HS3ST4: variants seen among roughly 807,000 people sequenced by gnomAD.
HS3ST4 encodes the protein heparan sulfate-glucosamine 3-sulfotransferase 4.
In HS3ST4, 17 loss-of-function variants were observed where a neutral mutation model predicts 29.2. The ratio of observed to expected loss-of-function variants is 0.58; its 90% CI spans 0.40 to 0.87. The LOEUF (loss-of-function observed/expected upper bound fraction) is 0.87. Among genes scored for constraint, HS3ST4 ranks in the 40% least tolerant of loss-of-function variants. The pLI is 0.00. For synonymous variants in HS3ST4, 314 were observed against 285.7 expected, an observed-to-expected ratio of 1.10 and a Z score of -1.00; for missense variants, 627 against 634.5, an observed-to-expected ratio of 0.99 and a Z score of 0.13.
intron 1 of HS3ST4, among the ~76,000 whole-genome samples, chr16:25,768,112 T>C (rs1320599438): frequency 6.6e-6 from 1 of 152,108 alleles, no homozygotes; most frequent in Non-Finnish European, 1.5e-5. Context: ...GAACATCACA[T>C]GTCTGGGGCG....
At chr16:25,844,344 G>T (rs1967443903) in intron 1 of HS3ST4, among the ~76,000 whole-genome samples, 1 of 152,088 alleles carries the variant, frequency 6.6e-6, no homozygotes, top group Non-Finnish European at 1.5e-5. Context: ...TTCATCCAGG[G>T]ATTCTTTACT....
intron 1 of HS3ST4, among the ~76,000 whole-genome samples, chr16:25,964,320 C>T (rs576434728): frequency 2.6e-5 from 4 of 152,098 alleles, no homozygotes; most frequent in Non-Finnish European, 5.9e-5. Flanking sequence ...TACTCCAGAC[C>T]TCAGCAACAC....
chr16:25,847,117 C>T (rs1044923487), intron 1 of HS3ST4, among the ~76,000 whole-genome samples: 12 of 150,714 alleles, frequency 8.0e-5, no homozygotes, highest in African/African-American at 2.9e-4. Context: ...AGCAGGATTA[C>T]ATTGAGACAG....
At chr16:25,713,740 ATGCTTGAGTTCT>A (rs1046735911) in intron 1 of HS3ST4, among the ~76,000 whole-genome samples, 1 of 152,166 alleles carries the variant, frequency 6.6e-6, no homozygotes, top group Non-Finnish European at 1.5e-5. Flanking sequence ...TTCTCAGGGT[ATGCTTGAGTTCT>A]TGCTGGCTAG....
intron 1 of HS3ST4, among the ~76,000 whole-genome samples, chr16:25,756,977 C>A (rs1249655801): frequency 6.6e-6 from 1 of 152,088 alleles, no homozygotes; most frequent in African/African-American, 2.4e-5. Flanking sequence ...TGACCAAGAG[C>A]AACCTGAGGG....
intron 1 of HS3ST4, among the ~76,000 whole-genome samples, chr16:25,696,575 T>G (rs1244635515): frequency 6.6e-6 from 1 of 152,066 alleles, no homozygotes; most frequent in African/African-American, 2.4e-5. Flanking sequence ...CTCGTCTCAC[T>G]GCAACCTCCG....
chr16:26,011,616 C>T (rs1266880239), intron 1 of HS3ST4, among the ~76,000 whole-genome samples: 1 of 152,052 alleles, frequency 6.6e-6, no homozygotes, highest in Non-Finnish European at 1.5e-5. Context: ...CAATAAAACA[C>T]AACCTCAGCC....
intron 1 of HS3ST4, among the ~76,000 whole-genome samples, chr16:25,960,005 G>A (rs1267196985): frequency 6.6e-6 from 1 of 152,102 alleles, no homozygotes; most frequent in Non-Finnish European, 1.5e-5. Context: ...GCATGGTGTT[G>A]GGTGCCTGTA....
chr16:25,769,873 A>C (rs1265787411), intron 1 of HS3ST4, among the ~76,000 whole-genome samples: 1 of 152,186 alleles, frequency 6.6e-6, no homozygotes, highest in Non-Finnish European at 1.5e-5. Context: ...TGGGGAGACA[A>C]CAAGAAGCAA....
intron 1 of HS3ST4, among the ~76,000 whole-genome samples, chr16:25,992,684 G>A (rs1596638177): frequency 6.6e-6 from 1 of 152,246 alleles, no homozygotes; most frequent in African/African-American, 2.4e-5. Flanking sequence ...CCACGTTGAA[G>A]GCAAAGCCCC....
chr16:25,941,253 C>T (rs1158238341), intron 1 of HS3ST4, among the ~76,000 whole-genome samples: 1 of 152,102 alleles, frequency 6.6e-6, no homozygotes, highest in Non-Finnish European at 1.5e-5. Flanking sequence ...ACAACCTTTG[C>T]CTCCCAGGTT....
intron 1 of HS3ST4, among the ~76,000 whole-genome samples, chr16:25,855,235 A>T (rs989677984): frequency 2.6e-5 from 4 of 151,990 alleles, no homozygotes; most frequent in Admixed American, 6.6e-5. Flanking sequence ...GAAAAGGGGG[A>T]TGGGTGTGGA....
At chr16:25,769,087 C>T (rs187497915) in intron 1 of HS3ST4, among the ~76,000 whole-genome samples, 247 of 152,254 alleles carry the variant, frequency 1.6e-3, no homozygotes, top group South Asian at 2.3e-3. Context: ...GGCACACATA[C>T]GAATCTGGAG....
At position 26,049,351 on chromosome 16, in the gene HS3ST4, C is replaced by G. The variant is rs1462810225; in HGVS notation, c.735-86261C>G. Among the ~76,000 whole-genome samples, 4 of 147,644 alleles carry G rather than the reference C, an allele frequency of 2.7e-5. No homozygotes were observed. The East Asian group carries it at 8.1e-4, about 30-fold the overall frequency. ...AGTCCGGAGGTCTACATCCGGAGGT[C>G]TACATCCGGAGGTCTACATCCGGAG... On this transcript the variant is annotated intron_variant, in intron 1 of 1. Transcript: ENST00000331351.
intron 1 of HS3ST4, among the ~76,000 whole-genome samples, chr16:25,786,292 A>C (rs574597938): frequency 6.6e-6 from 1 of 152,254 alleles, no homozygotes; most frequent in South Asian, 2.1e-4. Flanking sequence ...GTTATCAGAT[A>C]CCGACTGGAG....
At position 25,692,955 on chromosome 16, in the gene HS3ST4, A is replaced by G; in HGVS notation, c.538A>G (p.Ser180Gly). The G allele has an allele frequency of 6.2e-7, 1 of 1,610,278 alleles. No homozygotes were observed. Among genetic ancestry groups the G allele is most frequent in the Non-Finnish European group, 8.5e-7 (1 of 1,178,920 alleles). The change falls in exon 1 of 2, where the codon AGC becomes GGC. Residue 180 changes from serine (S) to glycine (G), a missense_variant. Coordinates refer to ENST00000331351, the MANE Select transcript of HS3ST4 (RefSeq NM_006040.3). ...DLAGRRAANGSSERGGAVSTP... is the reference protein window; with the variant it reads ...DLAGRRAANGGSERGGAVSTP... ...CGCAGGCCGGAGAGCGGCCAACGGG[A>G]GCAGCGAGAGGGGCGGCGCCGTCAG... is the stretch of plus-strand genomic sequence containing the variant.
At chr16:26,019,545 T>G (rs1226691893) in intron 1 of HS3ST4, among the ~76,000 whole-genome samples, 1 of 152,092 alleles carries the variant, frequency 6.6e-6, no homozygotes, top group Non-Finnish European at 1.5e-5. Flanking sequence ...ATTGCCTTCA[T>G]TATAAGAACA....
intron 1 of HS3ST4, among the ~76,000 whole-genome samples, chr16:25,874,785 CA>C (rs1967812399): frequency 6.6e-6 from 1 of 152,136 alleles, no homozygotes; most frequent in African/African-American, 2.4e-5. Context: ...TGGAAAGTAG[CA>C]TAAGTACAGT....
At chr16:25,722,914 A>T (rs1181028013) in intron 1 of HS3ST4, among the ~76,000 whole-genome samples, 1 of 152,214 alleles carries the variant, frequency 6.6e-6, no homozygotes, top group African/African-American at 2.4e-5. Flanking sequence ...TATAAAGAAA[A>T]AGAGGTTTAA....
Sources: allele counts gnomAD v4.1 joint callset (sites outside exome capture counted in the v4.1 genomes callset), GRCh38; gene constraint gnomAD v4.1.1; transcripts MANE v1.5; gene names NCBI Gene and HGNC (gene_info 2026-07-23, HGNC 2026-07-21).